The following RALGPS2 variants were observed in gnomAD, a reference collection of about 807,000 sequenced individuals.
RALGPS2 encodes the protein ras-specific guanine nucleotide-releasing factor RalGPS2.
A neutral mutation model predicts 86.8 loss-of-function variants in RALGPS2; 43 were observed. The observed-to-expected ratio is 0.50, with a 90% CI of 0.39 to 0.64. The LOEUF is 0.64. RALGPS2 is among the 30% of genes least tolerant of loss of function. The pLI is 0.00. For synonymous variants in RALGPS2, 243 were observed against 231.3 expected, an observed-to-expected ratio of 1.05 and a Z score of -0.46; for missense variants, 536 against 694.6, an observed-to-expected ratio of 0.77 and a Z score of 2.57.
At chr1:178,796,312 A>C (rs1000823648) in intron 4 of RALGPS2, among the ~76,000 whole-genome samples, 1 of 152,172 alleles carries the variant, frequency 6.6e-6, no homozygotes, top group Non-Finnish European at 1.5e-5. Flanking sequence ...CCTAGGAGTT[A>C]GTTTTAAAGT....
intron 1 of RALGPS2, among the ~76,000 whole-genome samples, chr1:178,764,025 A>G (rs1652377859): frequency 6.6e-6 from 1 of 151,998 alleles, no homozygotes; most frequent in Non-Finnish European, 1.5e-5. Context: ...TCAAGTGTTG[A>G]GTTCAGGTCC....
chr1:178,740,925 A>G (rs1650985951), intron 1 of RALGPS2, among the ~76,000 whole-genome samples: 1 of 152,202 alleles, frequency 6.6e-6, no homozygotes, highest in Non-Finnish European at 1.5e-5. Flanking sequence ...GAGCATCATA[A>G]CAATACTTCT....
chr1:178,877,455 A>G (rs769959866), intron 8 of RALGPS2, 43 bp from the exon 9 acceptor site: 3 of 1,608,494 alleles, frequency 1.9e-6, no homozygotes, highest in Non-Finnish European at 2.5e-6. Flanking sequence ...TAGTCTCCCA[A>G]CCTACAACTA....
At chr1:178,827,429 C>G (rs1000332892) in intron 7 of RALGPS2, among the ~76,000 whole-genome samples, 3 of 142,584 alleles carry the variant, frequency 2.1e-5, no homozygotes, top group African/African-American at 5.4e-5. Context: ...GAGTCTCGCT[C>G]TGTCGCCCAG....
At position 178,916,363 on chromosome 1, in the gene RALGPS2, C is replaced by T. The variant is rs751033530; in HGVS notation, c.*4C>T. The stretch of plus-strand genomic sequence containing the variant: ...AAACTTGATGACTTTTGAGTAGAAG[C>T]CTGAGAAAAAAAGAGAGGTGAACTG... On this transcript the variant is annotated 3_prime_UTR_variant, in exon 20 of 20. Transcript: ENST00000367635. The T allele has an allele frequency of 3.8e-6, 6 of 1,599,088 alleles. No individual in the cohort carries two copies. Among genetic ancestry groups the T allele is most frequent in the Non-Finnish European group, 5.1e-6 (6 of 1,168,024 alleles).
At chr1:178,856,420 T>TTTTTTTTTTTTTTG (rs1558152822) in intron 8 of RALGPS2, among the ~76,000 whole-genome samples, 3 of 120,578 alleles carry the variant, frequency 2.5e-5, no homozygotes, top group African/African-American at 1.0e-4. Context: ...TTTTTTTTTT[T>TTTTTTTTTTTTTTG]TTTTTTGAGA....
intron 1 of RALGPS2, among the ~76,000 whole-genome samples, chr1:178,728,510 A>C (rs1306026695): frequency 1.3e-5 from 2 of 149,780 alleles, no homozygotes; most frequent in Non-Finnish European, 3.0e-5. Context: ...CCATTTTTTG[A>C]ATATGAGATA....
Position 178,916,491 on chromosome 1 carries a change from A to C in RALGPS2, c.*132A>C. 3.5e-5 allele frequency: 28 copies of C among 795,994 alleles called. No homozygotes were observed. Among genetic ancestry groups the C allele is most frequent in the Non-Finnish European group, 5.2e-5 (27 of 520,550 alleles). The allele number at this position is 795,994 out of a possible 1,614,324, so 49.3% of individuals were successfully genotyped here. A position where few individuals can be genotyped will look rare whatever the true frequency, so the allele number is the denominator to read the frequency against. On this transcript the variant is annotated 3_prime_UTR_variant, in exon 20 of 20. Transcript: ENST00000367635. ...CTCTGTCTCAGTCGTTGGAGTTCTCAACCAAAAAAGCACTAATTTCAGGGA... is the reference window on the plus strand; with the variant it reads ...CTCTGTCTCAGTCGTTGGAGTTCTCCACCAAAAAAGCACTAATTTCAGGGA...
At chr1:178,792,592 C>G (rs929590850) in intron 4 of RALGPS2, among the ~76,000 whole-genome samples, 4 of 152,190 alleles carry the variant, frequency 2.6e-5, no homozygotes, top group African/African-American at 7.2e-5. Context: ...ATCCTGACAG[C>G]TCCCTCTCCA....
At chr1:178,853,753 A>G in intron 8 of RALGPS2, 2 of 1,602,256 alleles carry the variant, frequency 1.2e-6, no homozygotes, top group Non-Finnish European at 8.5e-7. Context: ...CCGAATGCCC[A>G]GCTTCTTTTG....
In RALGPS2 at chr1:178,910,629, A is replaced by G. The variant is rs191452244; in HGVS notation, c.1722+3762A>G. On this transcript the variant is annotated intron_variant, in intron 19 of 19. Coordinates refer to ENST00000367635, the MANE Select transcript of RALGPS2 (RefSeq NM_152663.5). The stretch of plus-strand genomic sequence containing the variant: ...AATAAAGTCTACTTGATTGTGGTGA[A>G]TTAACTTTCTGATATGCTGCTGGAT... Among the ~76,000 whole-genome samples, 984 of 152,286 alleles carry G rather than the reference A, an allele frequency of 6.5e-3. 15 individuals are homozygous for G. Among genetic ancestry groups the G allele is most frequent in the African/African-American group, 0.022 (932 of 41,550 alleles).
At chr1:178,803,985 G>GGGGACT (rs1189199883) in intron 4 of RALGPS2, among the ~76,000 whole-genome samples, 1 of 151,696 alleles carries the variant, frequency 6.6e-6, no homozygotes, top group Non-Finnish European at 1.5e-5. Flanking sequence ...ACAGTGCCCT[G>GGGGACT]GTTGAGGGAA....
intron 7 of RALGPS2, among the ~76,000 whole-genome samples, chr1:178,822,609 G>A (rs1655557328): frequency 6.7e-6 from 1 of 150,198 alleles, no homozygotes; most frequent in South Asian, 2.1e-4. Flanking sequence ...TTTCTATATT[G>A]GAAAAACATT....
intron 8 of RALGPS2, among the ~76,000 whole-genome samples, chr1:178,854,133 CTATCATTG>C (rs1232108228): frequency 6.6e-6 from 1 of 152,056 alleles, no homozygotes; most frequent in Non-Finnish European, 1.5e-5. Flanking sequence ...TTTTATCCTT[CTATCATTG>C]GACATTGAGG....
rs1292912661 is a variant in RALGPS2, at chr1:178,877,481, A to T, written c.608-17A>T. Reference sequence around the variant, plus strand: ...CCTACAACTAAGAAAACGTTCATTTATCTAATTGTATTTCAGGTATCTATT... The same window carrying T: ...CCTACAACTAAGAAAACGTTCATTTTTCTAATTGTATTTCAGGTATCTATT... On this transcript the variant is annotated splice_polypyrimidine_tract_variant and intron_variant, in intron 8 of 19. Coordinates refer to ENST00000367635, the MANE Select transcript of RALGPS2 (RefSeq NM_152663.5). 6.8e-6 allele frequency: 11 copies of T among 1,611,806 alleles called. No individual in the cohort carries two copies. The African/African-American group carries it at 8.0e-5, about 12-fold the overall frequency.
At chr1:178,902,547 C>T (rs530142446) in intron 18 of RALGPS2, among the ~76,000 whole-genome samples, 1 of 152,176 alleles carries the variant, frequency 6.6e-6, no homozygotes, top group South Asian at 2.1e-4. Flanking sequence ...AGAATATATA[C>T]CCCATTGTTA....
intron 6 of RALGPS2, among the ~76,000 whole-genome samples, chr1:178,818,443 G>T (rs1310235617): frequency 2.6e-5 from 4 of 152,204 alleles, no homozygotes; most frequent in Admixed American, 1.3e-4. Context: ...GCTTTAGTTA[G>T]TTTCATATAA....
chr1:178,834,741 T>G (rs1020863101), intron 8 of RALGPS2, among the ~76,000 whole-genome samples: 2 of 152,180 alleles, frequency 1.3e-5, no homozygotes, highest in Non-Finnish European at 2.9e-5. Context: ...TGTATGTGCT[T>G]TACATTTTTA....
chr1:178,814,384 A>G (rs955902387), intron 6 of RALGPS2, among the ~76,000 whole-genome samples: 3 of 152,116 alleles, frequency 2.0e-5, no homozygotes, highest in Admixed American at 2.0e-4. Context: ...GTGACGGTTG[A>G]AGCCCTAGAA....
Sources: allele counts gnomAD v4.1 joint callset (sites outside exome capture counted in the v4.1 genomes callset), GRCh38; gene constraint gnomAD v4.1.1; transcripts MANE v1.5; gene names NCBI Gene and HGNC (gene_info 2026-07-23, HGNC 2026-07-21).